CELF2: variants seen among roughly 807,000 people sequenced by gnomAD.
CELF2 encodes CUG triplet repeat RNA-binding protein 2.
CELF2 carries 8 observed loss-of-function variants against 62.6 expected under a neutral mutation model. The observed-to-expected ratio is 0.13, with a 90% CI of 0.07 to 0.23. The LOEUF is 0.23. CELF2 is among the 10% of genes least tolerant of loss of function. The pLI, the probability that CELF2 is intolerant of heterozygous loss-of-function variation, is 1.00. For missense variants in CELF2, 333 were observed against 671.0 expected, an observed-to-expected ratio of 0.50 and a Z score of 5.56; for synonymous variants, 258 against 250.0, an observed-to-expected ratio of 1.03 and a Z score of -0.30.
chr10:10,606,154 T>C, the CELF2 span, among the ~76,000 whole-genome samples: 1 of 152,156 alleles, frequency 6.6e-6, no homozygotes, highest in Non-Finnish European at 1.5e-5. Flanking sequence ...GGTAGAAGGA[T>C]TCAGTGACTG....
intron 2 of CELF2, among the ~76,000 whole-genome samples, chr10:11,175,405 G>C (rs1030326031): frequency 1.3e-5 from 2 of 152,220 alleles, no homozygotes; most frequent in Non-Finnish European, 2.9e-5. Context: ...GAATATGATT[G>C]AAGTTTTGAA....
chr10:11,196,900 A>G (rs550112293), intron 2 of CELF2, among the ~76,000 whole-genome samples: 3 of 150,968 alleles, frequency 2.0e-5, no homozygotes, highest in African/African-American at 7.3e-5. Flanking sequence ...CGGAGGTTGC[A>G]GTGAGCCGAG....
chr10:11,141,103 C>A (rs1194457091), intron 1 of CELF2, among the ~76,000 whole-genome samples: 5 of 152,154 alleles, frequency 3.3e-5, no homozygotes, highest in Non-Finnish European at 7.4e-5. Context: ...ACATGCCGGG[C>A]GCTGTGCTCA....
At chr10:11,093,263 T>G (rs1223970493) in intron 1 of CELF2, among the ~76,000 whole-genome samples, 1 of 152,048 alleles carries the variant, frequency 6.6e-6, no homozygotes, top group Non-Finnish European at 1.5e-5. Flanking sequence ...GTTTGGTGTT[T>G]GGGAATTAAT....
chr10:11,004,414 T>TGTGCGC (rs1554766714), upstream of CELF2, among the ~76,000 whole-genome samples: 1 of 139,614 alleles, frequency 7.2e-6, no homozygotes, highest in African/African-American at 3.3e-5. This position sits in a 1 kb window ranked among gnomAD's most constrained non-coding sequence, Gnocchi z 5.0. Context: ...TGTGTGTGTG[T>TGTGCGC]GCGCGCGCGT....
chr10:10,845,331 CAAA>C (rs35114307), intron 1 of CELF2, among the ~76,000 whole-genome samples: 4 of 122,036 alleles, frequency 3.3e-5, no homozygotes, highest in Non-Finnish European at 1.7e-5. Context: ...TTCATTGCTC[CAAA>C]AAAAAAAAAA....
intron 2 of CELF2, among the ~76,000 whole-genome samples, chr10:10,968,315 A>G (rs1479670069): frequency 2.0e-5 from 3 of 152,204 alleles, no homozygotes; most frequent in Admixed American, 6.5e-5. Context: ...CATTTTCTAT[A>G]AACAATCTGT....
At position 11,039,541 on chromosome 10, in the gene CELF2, G is replaced by A. The variant is rs2061481070; in HGVS notation, c.74+21378G>A. On this transcript the variant is annotated intron_variant, in intron 1 of 12. Transcript: ENST00000633077. The surrounding 1 kb of genome is among the most constrained non-coding windows in gnomAD (Gnocchi z 4.1). ...TTATTTACTTCACAAGACACTGCTT[G>A]TCCCATGTTTGCCCACGTACACATC... 6.6e-6 allele frequency among the ~76,000 whole-genome samples: 1 copy of A among 152,130 alleles called. No homozygotes were observed. Among genetic ancestry groups the A allele is most frequent in the Non-Finnish European group, 1.5e-5 (1 of 68,036 alleles).
At chr10:10,684,309 A>T in the CELF2 span, among the ~76,000 whole-genome samples, 8 of 152,190 alleles carry the variant, frequency 5.3e-5, no homozygotes, top group Non-Finnish European at 1.0e-4. Context: ...GTCAGAGCCC[A>T]AACAAAGTGA....
chr10:10,646,720 C>T, the CELF2 span, among the ~76,000 whole-genome samples: 2 of 152,124 alleles, frequency 1.3e-5, no homozygotes, highest in African/African-American at 2.4e-5. Flanking sequence ...GATGTTCTGA[C>T]GAAGAGCAGG....
chr10:11,185,975 A>C (rs1009660071), intron 2 of CELF2, among the ~76,000 whole-genome samples: 1 of 152,230 alleles, frequency 6.6e-6, no homozygotes, highest in Admixed American at 6.5e-5. Context: ...CAAGTTAACT[A>C]TGTAAGAAGG....
In CELF2 at chr10:11,246,427, C is replaced by A. The variant is rs2653523; in HGVS notation, c.355-2726C>A. On this transcript the variant is annotated intron_variant, in intron 3 of 12. Transcript: ENST00000633077. This position sits in a 1 kb window ranked among gnomAD's most constrained non-coding sequence, Gnocchi z 4.6. The stretch of plus-strand genomic sequence containing the variant: ...CTGTTGAACTCCCTTTGCAGGTGAC[C>A]TCAAAATAGAAGAAGCCCTCATTCA... Among the ~76,000 whole-genome samples, 6 of 151,952 alleles carry A rather than the reference C, an allele frequency of 3.9e-5. No individual in the cohort carries two copies. In the South Asian group the frequency reaches 1.2e-3, roughly 31 times the overall value.
At chr10:11,193,952 C>T (rs1266013790) in intron 2 of CELF2, among the ~76,000 whole-genome samples, 1 of 152,116 alleles carries the variant, frequency 6.6e-6, no homozygotes, top group Non-Finnish European at 1.5e-5. Context: ...AAATAGTGGT[C>T]ACATTGCTAG....
At chr10:10,697,749 G>C in the CELF2 span, among the ~76,000 whole-genome samples, 1 of 151,976 alleles carries the variant, frequency 6.6e-6, no homozygotes, top group African/African-American at 2.4e-5. Context: ...CCTCCCAAAG[G>C]CCGCACCCCC....
At chr10:10,941,679 C>T (rs902716846) in intron 2 of CELF2, among the ~76,000 whole-genome samples, 2 of 152,100 alleles carry the variant, frequency 1.3e-5, no homozygotes, top group African/African-American at 2.4e-5. Context: ...GTGTTACTTT[C>T]CTATTAATAG....
chr10:10,475,006 TG>T, the CELF2 span, among the ~76,000 whole-genome samples: 3 of 152,096 alleles, frequency 2.0e-5, no homozygotes, highest in African/African-American at 4.8e-5. Flanking sequence ...TTGGAAAAGA[TG>T]GAGAGCAGGT....
At chr10:10,813,267 A>G (rs952289155) in intron 1 of CELF2, among the ~76,000 whole-genome samples, 4 of 152,204 alleles carry the variant, frequency 2.6e-5, no homozygotes, top group Admixed American at 2.6e-4. Flanking sequence ...TAGCGATTTT[A>G]TGACTGGTCC....
intron 1 of CELF2, among the ~76,000 whole-genome samples, chr10:11,057,693 G>T (rs1267576773): frequency 6.6e-6 from 1 of 152,104 alleles, no homozygotes; most frequent in Non-Finnish European, 1.5e-5. Flanking sequence ...TTAAGCATAA[G>T]GATGTAACGT....
intron 2 of CELF2, among the ~76,000 whole-genome samples, chr10:11,208,864 A>T (rs540605374): frequency 2.1e-4 from 32 of 152,166 alleles, no homozygotes; most frequent in Non-Finnish European, 3.4e-4. Flanking sequence ...TTTATGCTGG[A>T]GTACTGCTTC....
Sources: allele counts gnomAD v4.1 joint callset (sites outside exome capture counted in the v4.1 genomes callset), GRCh38; gene constraint gnomAD v4.1.1; non-coding constraint Gnocchi (gnomAD v3.1); transcripts MANE v1.5; gene names NCBI Gene and HGNC (gene_info 2026-07-23, HGNC 2026-07-21).